The following TNKS variants were observed in gnomAD, a reference collection of about 807,000 sequenced individuals.
TNKS encodes poly [ADP-ribose] polymerase tankyrase-1.
TNKS carries 72 observed loss-of-function variants against 135.8 expected under a neutral mutation model. That is an observed-to-expected ratio of 0.53 (90% CI 0.44 to 0.64). The LOEUF (loss-of-function observed/expected upper bound fraction) is 0.64, where lower values mean the gene tolerates loss of function less well. TNKS is among the 30% of genes least tolerant of loss of function. The pLI is 0.00. For synonymous variants in TNKS, 849 were observed against 649.3 expected (o/e 1.31, Z -4.68); for missense variants, 1,769 against 1,674.0 (o/e 1.06, Z -0.99).
intron 17 of TNKS, among the ~76,000 whole-genome samples, chr8:9,740,541 C>G (rs1056084641): frequency 6.6e-6 from 1 of 152,092 alleles, no homozygotes; most frequent in African/African-American, 2.4e-5. Context: ...TTAAGGAAAG[C>G]AACAATCCGG....
intron 26 of TNKS, chr8:9,772,546 A>G (rs1156772620): frequency 2.6e-6 from 1 of 382,584 alleles, no homozygotes; most frequent in Non-Finnish European, 5.1e-6. Flanking sequence ...GAGGCCCAAG[A>G]GACATGAAAA....
intron 3 of TNKS, among the ~76,000 whole-genome samples, chr8:9,668,613 A>T (rs1188446195): frequency 1.3e-5 from 2 of 152,230 alleles, no homozygotes; most frequent in East Asian, 3.8e-4. Context: ...GTGCCCTTTG[A>T]CAGTGTTTTT....
intron 3 of TNKS, among the ~76,000 whole-genome samples, chr8:9,671,748 A>G (rs1802278864): frequency 6.6e-6 from 1 of 152,226 alleles, no homozygotes; most frequent in African/African-American, 2.4e-5. Flanking sequence ...CTATATGTAA[A>G]TTATACTTCG....
intron 1 of TNKS, among the ~76,000 whole-genome samples, chr8:9,563,178 C>T (rs1467633703): frequency 6.6e-6 from 1 of 152,036 alleles, no homozygotes; most frequent in Admixed American, 6.6e-5. Flanking sequence ...TGTCCATTTC[C>T]AGAACATTTT....
chr8:9,623,677 T>G (rs1799950802), intron 3 of TNKS, among the ~76,000 whole-genome samples: 1 of 151,998 alleles, frequency 6.6e-6, no homozygotes, highest in African/African-American at 2.4e-5. Flanking sequence ...TAAAATGAGG[T>G]ATGTTGTTTA....
At chr8:9,707,264 A>G (rs1441994819) in intron 8 of TNKS, among the ~76,000 whole-genome samples, 1 of 152,208 alleles carries the variant, frequency 6.6e-6, no homozygotes, top group Non-Finnish European at 1.5e-5. Context: ...AGGATGAGTC[A>G]ATCAGCATCC....
intron 1 of TNKS, among the ~76,000 whole-genome samples, chr8:9,568,567 T>C (rs1377320009): frequency 1.3e-5 from 2 of 152,194 alleles, no homozygotes; most frequent in East Asian, 3.8e-4. Flanking sequence ...ACATTCTTAA[T>C]GAAAAGAAGC....
chr8:9,713,012 G>T (rs765292924), intron 11 of TNKS, among the ~76,000 whole-genome samples: 6 of 152,078 alleles, frequency 3.9e-5, no homozygotes, highest in Non-Finnish European at 7.4e-5. Context: ...AATTTACAAA[G>T]AAATTCATAT....
chr8:9,638,772 C>A (rs1800615341), intron 3 of TNKS, among the ~76,000 whole-genome samples: 1 of 151,914 alleles, frequency 6.6e-6, no homozygotes, highest in Admixed American at 6.6e-5. Flanking sequence ...GTGTGAAAAG[C>A]CATAAGATCC....
At chr8:9,558,074 C>G (rs1427524388) in intron 1 of TNKS, 1 of 152,124 alleles carries the variant, frequency 6.6e-6, no homozygotes, top group East Asian at 1.9e-4. Flanking sequence ...TTTATTGTAG[C>G]CCATACTTAG....
At chr8:9,627,680 T>C (rs901313284) in intron 3 of TNKS, among the ~76,000 whole-genome samples, 1 of 152,292 alleles carries the variant, frequency 6.6e-6, no homozygotes, top group African/African-American at 2.4e-5. Context: ...AACTGTTTGT[T>C]TGTGTTTTTC....
At chr8:9,669,852 T>C (rs1010041850) in intron 3 of TNKS, among the ~76,000 whole-genome samples, 5 of 152,210 alleles carry the variant, frequency 3.3e-5, no homozygotes, top group Admixed American at 1.3e-4. Flanking sequence ...TCAGACGTTT[T>C]AAAGAAAATA....
intron 3 of TNKS, among the ~76,000 whole-genome samples, chr8:9,677,769 T>C (rs980436277): frequency 2.0e-5 from 3 of 152,192 alleles, no homozygotes; most frequent in Non-Finnish European, 4.4e-5. Context: ...TAGAGAGACA[T>C]TCATGATGTT....
intron 20 of TNKS, among the ~76,000 whole-genome samples, chr8:9,759,333 C>A (rs1428770368): frequency 6.6e-6 from 1 of 152,212 alleles, no homozygotes; most frequent in Non-Finnish European, 1.5e-5. Context: ...TTTCCCATCA[C>A]TTCTGCTGTA....
intron 18 of TNKS, among the ~76,000 whole-genome samples, chr8:9,750,882 C>G (rs1308168982): frequency 6.6e-6 from 1 of 152,234 alleles, no homozygotes; most frequent in Non-Finnish European, 1.5e-5. Flanking sequence ...AGGGCTCTCC[C>G]TGCATAGGAT....
chr8:9,619,308 G>A (rs1799771066), intron 3 of TNKS, among the ~76,000 whole-genome samples: 1 of 152,202 alleles, frequency 6.6e-6, no homozygotes, highest in Admixed American at 6.5e-5. Flanking sequence ...AGAAAGTAGG[G>A]TCTTTGTTAA....
chr8:9,577,108 C>T (rs1177104582), intron 1 of TNKS, among the ~76,000 whole-genome samples: 2 of 144,930 alleles, frequency 1.4e-5, no homozygotes, highest in African/African-American at 2.6e-5. Flanking sequence ...ATGTAAATAA[C>T]AATTCATTTT....
chr8:9,696,524 A>G (rs992263861), intron 5 of TNKS, among the ~76,000 whole-genome samples: 24 of 152,266 alleles, frequency 1.6e-4, no homozygotes, highest in African/African-American at 5.3e-4. Context: ...CACTGACACT[A>G]TGATTTTATT....
intron 11 of TNKS, 136 bp downstream of exon 11, chr8:9,710,356 A>T: frequency 1.3e-6 from 1 of 763,942 alleles, no homozygotes; most frequent in Non-Finnish European, 2.2e-6. Flanking sequence ...AAATTCATGG[A>T]TTCTCCTATA....
Sources: allele counts gnomAD v4.1 joint callset (sites outside exome capture counted in the v4.1 genomes callset), GRCh38; gene constraint gnomAD v4.1.1; transcripts MANE v1.5; gene names NCBI Gene and HGNC (gene_info 2026-07-23, HGNC 2026-07-21).